Variants in NPAS3 observed in about 807,000 individuals in gnomAD.
NPAS3 encodes the protein neuronal PAS domain-containing protein 3.
NPAS3 carries 14 observed loss-of-function variants against 73.1 expected under a neutral mutation model. The ratio of observed to expected loss-of-function variants is 0.19; its 90% CI spans 0.13 to 0.30. The LOEUF is 0.30. NPAS3 is among the 10% of genes least tolerant of loss of function. The probability of loss-of-function intolerance (pLI) is 1.00; values close to 1 mark genes in which losing one functional copy is unlikely to be tolerated. For missense variants in NPAS3, 1,096 were observed against 1,250.0 expected, an observed-to-expected ratio of 0.88 and a Z score of 1.86; for synonymous variants, 620 against 541.5, an observed-to-expected ratio of 1.14 and a Z score of -2.01.
At chr14:33,790,870 T>C (rs2063338981) in intron 9 of NPAS3, among the ~76,000 whole-genome samples, 1 of 152,194 alleles carries the variant, frequency 6.6e-6, no homozygotes, top group African/African-American at 2.4e-5. Context: ...CGTCTCACCA[T>C]GTTGGCCAGG....
intron 6 of NPAS3, among the ~76,000 whole-genome samples, chr14:33,724,873 C>T (rs1448737070): frequency 6.6e-6 from 1 of 151,924 alleles, no homozygotes; most frequent in South Asian, 2.1e-4. Context: ...GTATTAAGAG[C>T]TTTTTTAAAA....
At chr14:33,395,728 C>A (rs2047194444) in intron 4 of NPAS3, among the ~76,000 whole-genome samples, 2 of 152,130 alleles carry the variant, frequency 1.3e-5, no homozygotes, top group South Asian at 4.1e-4. Context: ...CTGGGGTGGC[C>A]TAAACCTCAG....
chr14:32,957,403 G>T (rs534063388), intron 1 of NPAS3, among the ~76,000 whole-genome samples: 2 of 143,718 alleles, frequency 1.4e-5, no homozygotes, highest in African/African-American at 2.6e-5. Flanking sequence ...ATGGAGTCTC[G>T]CTCTGTGGCG....
chr14:33,387,098 C>T (rs374022451), intron 4 of NPAS3, among the ~76,000 whole-genome samples: 1 of 152,162 alleles, frequency 6.6e-6, no homozygotes, highest in African/African-American at 2.4e-5. Context: ...AAGTCACCTA[C>T]CTCTCAAGTT....
chr14:33,734,420 T>G (rs938743617), intron 6 of NPAS3, among the ~76,000 whole-genome samples: 2 of 152,140 alleles, frequency 1.3e-5, no homozygotes, highest in Non-Finnish European at 2.9e-5. Flanking sequence ...CCATTTTAAG[T>G]TTCATAAGCA....
intron 2 of NPAS3, among the ~76,000 whole-genome samples, chr14:33,063,154 A>G (rs530269146): frequency 1.3e-5 from 2 of 152,306 alleles, no homozygotes; most frequent in East Asian, 1.9e-4. Flanking sequence ...GGGCAAAACA[A>G]TACCTCAGAG....
chr14:33,392,540 C>T (rs1329869567), intron 4 of NPAS3, among the ~76,000 whole-genome samples: 1 of 152,084 alleles, frequency 6.6e-6, no homozygotes, highest in Admixed American at 6.6e-5. Flanking sequence ...TACTGACGCT[C>T]GGAGTTCAAG....
intron 3 of NPAS3, among the ~76,000 whole-genome samples, chr14:33,324,495 T>G (rs2043601575): frequency 6.6e-6 from 1 of 152,224 alleles, no homozygotes; most frequent in Non-Finnish European, 1.5e-5. Context: ...ATACCCTAAA[T>G]AGTATCATAT....
chr14:33,266,823 T>C (rs1441730120), intron 3 of NPAS3, among the ~76,000 whole-genome samples: 5 of 152,176 alleles, frequency 3.3e-5, no homozygotes, highest in African/African-American at 4.8e-5. Flanking sequence ...ACTACAGATA[T>C]TTGTATTCCT....
chr14:33,068,348 T>C (rs2041353706), intron 2 of NPAS3, among the ~76,000 whole-genome samples: 1 of 152,226 alleles, frequency 6.6e-6, no homozygotes, highest in Non-Finnish European at 1.5e-5. Flanking sequence ...CCATTCATTC[T>C]TGTTAGGCAC....
At chr14:33,484,248 T>A (rs1594999834) in intron 4 of NPAS3, among the ~76,000 whole-genome samples, 1 of 152,130 alleles carries the variant, frequency 6.6e-6, no homozygotes, top group South Asian at 2.1e-4. Flanking sequence ...TCGTGAAAGG[T>A]CTGGAGGAGG....
intron 5 of NPAS3, among the ~76,000 whole-genome samples, chr14:33,570,822 A>C (rs777191987): frequency 6.6e-6 from 1 of 152,194 alleles, no homozygotes; most frequent in Admixed American, 6.5e-5. Context: ...GGTGCTCAGG[A>C]AATCAGATAG....
chr14:33,672,168 ATTCTCT>A (rs1354533958), intron 5 of NPAS3, among the ~76,000 whole-genome samples: 1 of 152,202 alleles, frequency 6.6e-6, no homozygotes, highest in Non-Finnish European at 1.5e-5. Context: ...GACAGACACT[ATTCTCT>A]TAAAGAGTTT....
chr14:33,669,473 TAAGGAAAAGAA>T, intron 5 of NPAS3, among the ~76,000 whole-genome samples: 1 of 152,296 alleles, frequency 6.6e-6, no homozygotes, highest in Middle Eastern at 3.4e-3. Flanking sequence ...TGATGTCTCT[TAAGGAAAAGAA>T]AAGGATATTG....
rs78260936 is a variant in NPAS3, at chr14:33,279,423, T to C, written c.385+63997T>C. On this transcript the variant is annotated intron_variant, in intron 3 of 11. Coordinates refer to ENST00000356141, the Ensembl canonical transcript of NPAS3. ...CATGGACACGGAGGTTGGAAGGAGT[T>C]GACTAACTCGCCTAGAGTCACCAGC... Among the ~76,000 whole-genome samples, 897 of 152,252 alleles carry C rather than the reference T, an allele frequency of 5.9e-3. 9 individuals are homozygous for C. Among genetic ancestry groups the C allele is most frequent in the African/African-American group, 0.021 (857 of 41,560 alleles).
At chr14:33,522,613 G>A (rs891995951) in intron 4 of NPAS3, among the ~76,000 whole-genome samples, 15 of 151,924 alleles carry the variant, frequency 9.9e-5, no homozygotes, top group African/African-American at 2.7e-4. Flanking sequence ...CCCATTTTTC[G>A]GACAAAGACA....
intron 5 of NPAS3, among the ~76,000 whole-genome samples, chr14:33,598,234 AAAG>A (rs1463224082): frequency 5.9e-5 from 9 of 152,230 alleles, no homozygotes; most frequent in African/African-American, 2.4e-5. Flanking sequence ...TGCCTTTTCC[AAAG>A]AAGAACTAAT....
intron 4 of NPAS3, among the ~76,000 whole-genome samples, chr14:33,408,913 G>A (rs925143538): frequency 3.9e-5 from 6 of 152,126 alleles, no homozygotes; most frequent in Admixed American, 3.3e-4. Flanking sequence ...GGAATATATT[G>A]AGGGAAAATG....
chr14:33,205,624 C>T (rs2046793644), intron 2 of NPAS3, among the ~76,000 whole-genome samples: 1 of 152,112 alleles, frequency 6.6e-6, no homozygotes, highest in Admixed American at 6.6e-5. Context: ...CTTGTATTCT[C>T]AGCTGTAGTG....
Sources: allele counts gnomAD v4.1 joint callset (sites outside exome capture counted in the v4.1 genomes callset), GRCh38; gene constraint gnomAD v4.1.1; transcripts MANE v1.5; gene names NCBI Gene and HGNC (gene_info 2026-07-23, HGNC 2026-07-21).